Variants in SLC18A2 observed in about 807,000 individuals in gnomAD.
SLC18A2 encodes the protein solute carrier family 18 member A2.
In SLC18A2, 33 loss-of-function variants were observed where a neutral mutation model predicts 59.2. The ratio of observed to expected loss-of-function variants is 0.56; its 90% CI spans 0.42 to 0.75. The LOEUF (loss-of-function observed/expected upper bound fraction) is 0.75. SLC18A2 is among the 30% of genes least tolerant of loss of function. The probability of loss-of-function intolerance (pLI) is 0.00; values close to 1 mark genes in which losing one functional copy is unlikely to be tolerated. For synonymous variants in SLC18A2, 228 were observed against 253.5 expected, an observed-to-expected ratio of 0.90 and a Z score of 0.95; for missense variants, 569 against 668.6, an observed-to-expected ratio of 0.85 and a Z score of 1.64.
At chr10:117,273,415 T>G (rs2255321) in intron 15 of SLC18A2, among the ~76,000 whole-genome samples, 128,065 of 152,162 alleles carry the variant, frequency 0.84, 54,152 homozygotes, top group Non-Finnish European at 0.89. Flanking sequence ...TAAAGACAAG[T>G]CACGCTTCTT....
At chr10:117,251,573 G>A (rs2133731123) in intron 3 of SLC18A2, among the ~76,000 whole-genome samples, 1 of 152,326 alleles carries the variant, frequency 6.6e-6, no homozygotes, top group Middle Eastern at 3.4e-3. Flanking sequence ...GTTTGTGGGA[G>A]GGGACTGACT....
At chr10:117,241,634 G>C (rs1564999947) in intron 1 of SLC18A2, 45 bp from the exon 2 acceptor site, 1 of 1,498,058 alleles carries the variant, frequency 6.7e-7, no homozygotes, top group Non-Finnish European at 8.9e-7. Context: ...GGAGAATGGG[G>C]GGTCCACGGC....
At chr10:117,247,433 C>T (rs2133728167) in intron 3 of SLC18A2, among the ~76,000 whole-genome samples, 1 of 152,314 alleles carries the variant, frequency 6.6e-6, no homozygotes, top group East Asian at 1.9e-4. Context: ...ACTGTAGCCA[C>T]ATGTTCCGAC....
chr10:117,258,799 C>CTCTG (rs1844259011), intron 10 of SLC18A2, among the ~76,000 whole-genome samples: 1 of 143,604 alleles, frequency 7.0e-6, no homozygotes, highest in Admixed American at 7.1e-5. Flanking sequence ...CAAAGTCTCA[C>CTCTG]TCTGTCACCC....
chr10:117,277,048 T>G, intron 15 of SLC18A2, 114 bp from the exon 16 acceptor site: 2 of 594,376 alleles, frequency 3.4e-6, no homozygotes, highest in Non-Finnish European at 5.8e-6. Flanking sequence ...GACTGGTTAA[T>G]AGCAAGTAAT....
chr10:117,256,501 C>G (rs1216830286), intron 9 of SLC18A2, among the ~76,000 whole-genome samples: 1 of 152,204 alleles, frequency 6.6e-6, no homozygotes, highest in Non-Finnish European at 1.5e-5. Flanking sequence ...AAGCACGGCT[C>G]CCTAACACAG....
intron 3 of SLC18A2, among the ~76,000 whole-genome samples, chr10:117,247,923 A>T (rs182650095): frequency 9.3e-4 from 142 of 152,234 alleles, no homozygotes; most frequent in African/African-American, 3.0e-3. Flanking sequence ...TGATGGTGCC[A>T]TGTGTGTGGC....
At chr10:117,263,944 A>G (rs1340234911) in intron 10 of SLC18A2, among the ~76,000 whole-genome samples, 5 of 152,190 alleles carry the variant, frequency 3.3e-5, no homozygotes, top group African/African-American at 1.2e-4. Context: ...TAAGCCTGCC[A>G]TAGGACAGGG....
In SLC18A2 at chr10:117,277,388, GTTA is replaced by G; in HGVS notation, c.*128_*130del. The G allele has an allele frequency of 1.9e-6, 1 of 537,140 alleles. No homozygotes were observed. The highest frequency in any genetic ancestry group is 3.2e-6 in the Non-Finnish European group (1 of 315,462). 33.3% of individuals were successfully genotyped at this position (537,140 alleles called of 1,614,324 possible). A position where few individuals can be genotyped will look rare whatever the true frequency, so the allele number is the denominator to read the frequency against. On this transcript the variant is annotated 3_prime_UTR_variant, in exon 16 of 16. Transcript: ENST00000644641. ...CCCTGGTGAAAGAGTAAAACCAAAG[GTTA>G]TTATTTCCTTTCCATGGTTATGGTC... is the stretch of plus-strand genomic sequence containing the variant.
chr10:117,254,486 T>C lies in SLC18A2; in HGVS notation c.689T>C (p.Met230Thr), dbSNP rs766530794. The change falls in exon 6 of 16, where the codon ATG becomes ACG. Residue 230 changes from methionine (M) to threonine (T), a missense_variant. Met to Thr is a moderately conservative substitution (Grantham distance 81). Around this residue, in one of 2 missense-constraint regions of SLC18A2, gnomAD observed 377 missense variants for 389.8 expected, o/e 0.97. Coordinates refer to ENST00000644641, the MANE Select transcript of SLC18A2 (RefSeq NM_003054.6). ...GGAATCGCCTTGGGAGGCCTGGCCA[T>C]GGGGGTCTTAGGTGGGTAAGGCCCC... is the stretch of plus-strand genomic sequence containing the variant. ...VMGIALGGLA[M>T]GVLVGPPFGS... is the part of the protein sequence containing the mutation. 19 of 1,607,026 alleles carry C rather than the reference T, an allele frequency of 1.2e-5. No individual in the cohort carries two copies. In the South Asian group the frequency reaches 1.7e-4, roughly 14 times the overall value.
At chr10:117,274,653 C>T (rs363277) in intron 15 of SLC18A2, among the ~76,000 whole-genome samples, 1,807 of 152,228 alleles carry the variant, frequency 0.012, 26 homozygotes, top group Non-Finnish European at 0.019. Context: ...ACTTAGTGTC[C>T]TGCTTGGTAA....
intron 3 of SLC18A2, among the ~76,000 whole-genome samples, chr10:117,250,032 A>G (rs959094089): frequency 2.6e-5 from 4 of 152,118 alleles, no homozygotes; most frequent in African/African-American, 9.7e-5. Context: ...TGTTTAGGAG[A>G]TACTGTGGGG....
chr10:117,268,705 C>T (rs1589984780), intron 13 of SLC18A2: 1 of 152,458 alleles, frequency 6.6e-6, no homozygotes, highest in Admixed American at 6.5e-5. Context: ...GGGCCACACG[C>T]TTAGACTATG....
rs1216673638 is a variant in SLC18A2 at position 117,255,192 on chromosome 10, G to C, written c.701-85G>C. 4.7e-6 allele frequency: 6 copies of C among 1,287,514 alleles called. No individual in the cohort carries two copies. The Admixed American group carries it at 1.1e-4, about 23-fold the overall frequency. The allele number at this position is 1,287,514 out of a possible 1,614,324, so 79.8% of individuals were successfully genotyped here. On this transcript the variant is annotated intron_variant, in intron 6 of 15. Coordinates refer to ENST00000644641, the MANE Select transcript of SLC18A2 (RefSeq NM_003054.6). ...GCCTTATTGGAACAAAGTAGAGAGA[G>C]AAACACAAGAGTCAAATAGATGGTT...
At chr10:117,257,202 C>A (rs935319608) in intron 9 of SLC18A2, among the ~76,000 whole-genome samples, 5 of 152,142 alleles carry the variant, frequency 3.3e-5, no homozygotes, top group African/African-American at 1.2e-4. Flanking sequence ...TTCCGTGGGT[C>A]TTTTTCCAGA....
At chr10:117,254,598 A>G (rs1268559499) in intron 6 of SLC18A2, 101 bp downstream of exon 6, 2 of 643,260 alleles carry the variant, frequency 3.1e-6, no homozygotes, top group South Asian at 7.3e-5. Flanking sequence ...TTGCACTGAC[A>G]CAGAGGTCCC....
intron 13 of SLC18A2, among the ~76,000 whole-genome samples, chr10:117,268,962 ACACT>A (rs1047416149): frequency 2.4e-4 from 34 of 141,034 alleles, no homozygotes; most frequent in African/African-American, 7.3e-4. Flanking sequence ...ATACACATAC[ACACT>A]CATACACAAA....
chr10:117,248,101 C>A (rs1344957716), intron 3 of SLC18A2, among the ~76,000 whole-genome samples: 6 of 152,152 alleles, frequency 3.9e-5, no homozygotes, highest in Non-Finnish European at 8.8e-5. Context: ...TCCTGAGTAG[C>A]TGAGACTACA....
chr10:117,277,872 C>T lies in SLC18A2; in HGVS notation c.*606C>T, dbSNP rs944454570. 6.6e-6 allele frequency: 1 copy of T among 152,184 alleles called. No homozygotes were observed. Among genetic ancestry groups the T allele is most frequent in the African/African-American group, 2.4e-5 (1 of 41,456 alleles). The allele number at this position is 152,184 out of a possible 1,614,324, so 9.4% of individuals were successfully genotyped here. On this transcript the variant is annotated 3_prime_UTR_variant, in exon 16 of 16. Transcript: ENST00000644641. ...ATAAATCTTAGCTGGCATTAGTTTTCTATGTAATCACCTACCTAGAGAGAG... is the reference window on the plus strand; with the variant it reads ...ATAAATCTTAGCTGGCATTAGTTTTTTATGTAATCACCTACCTAGAGAGAG...
Sources: gnomAD v4.1 joint callset for allele counts (sites outside exome capture counted in the v4.1 genomes callset) on GRCh38, gnomAD v4.1.1 for gene constraint, gnomAD v4.1.1 regional missense constraint, MANE v1.5 for transcripts, NCBI Gene and HGNC (gene_info 2026-07-23, HGNC 2026-07-21) for gene names.